RBFOX1: variants seen among roughly 807,000 people sequenced by gnomAD.
RBFOX1 encodes RNA binding protein fox-1 homolog 1.
In RBFOX1, 8 loss-of-function variants were observed where a neutral mutation model predicts 57.7. The observed-to-expected ratio is 0.14, with a 90% CI of 0.08 to 0.25. RBFOX1 has a LOEUF of 0.25. Ranked by LOEUF, RBFOX1 falls within the 10% of genes least tolerant of loss-of-function variation. The probability of loss-of-function intolerance (pLI) is 1.00; values close to 1 mark genes in which losing one functional copy is unlikely to be tolerated. For missense variants in RBFOX1, 611 were observed against 548.5 expected (o/e 1.11, Z -1.14); for synonymous variants, 326 against 222.4 (o/e 1.47, Z -4.15).
At chr16:6,736,083 T>G (rs75325650) in intron 3 of RBFOX1, among the ~76,000 whole-genome samples, 1 of 152,080 alleles carries the variant, frequency 6.6e-6, no homozygotes, top group Non-Finnish European at 1.5e-5. Context: ...TACACAATTT[T>G]TGTTCAAATT....
chr16:6,798,705 C>G (rs1039037071), intron 3 of RBFOX1, among the ~76,000 whole-genome samples: 1 of 152,072 alleles, frequency 6.6e-6, no homozygotes, highest in African/African-American at 2.4e-5. Context: ...TTTATATGAA[C>G]TAAAATATTT....
At chr16:7,376,114 A>C (rs1189089941) in intron 4 of RBFOX1, among the ~76,000 whole-genome samples, 4 of 152,222 alleles carry the variant, frequency 2.6e-5, no homozygotes, top group Non-Finnish European at 4.4e-5. Context: ...TTCTAAAACA[A>C]CAAGAAATAA....
chr16:6,787,334 A>G (rs896804085), intron 3 of RBFOX1, among the ~76,000 whole-genome samples: 1 of 152,234 alleles, frequency 6.6e-6, no homozygotes, highest in Non-Finnish European at 1.5e-5. Context: ...CATCAATAAC[A>G]GCACATAAAG....
chr16:5,566,111 G>T (rs568212927), intron 2 of RBFOX1, among the ~76,000 whole-genome samples: 44 of 152,036 alleles, frequency 2.9e-4, no homozygotes, highest in Non-Finnish European at 5.6e-4. Flanking sequence ...TGTGGAACTG[G>T]GAGTCCATTA....
chr16:5,565,280 CGTGCGTGCGTGTGTTCAT>C (rs2046024843), intron 2 of RBFOX1, among the ~76,000 whole-genome samples: 1 of 152,046 alleles, frequency 6.6e-6, no homozygotes, highest in Non-Finnish European at 1.5e-5. Context: ...CGTGTGTGCA[CGTGCGTGCGTGTGTTCAT>C]GTGCATGCAT....
At chr16:7,124,556 TCCC>T (rs1433893804) in intron 4 of RBFOX1, among the ~76,000 whole-genome samples, 1 of 47,056 alleles carries the variant, frequency 2.1e-5, no homozygotes, top group East Asian at 7.6e-4. Context: ...CCTCCCTCCC[TCCC>T]TCCCTTCCTT....
At chr16:7,108,401 C>G (rs553628515) in intron 4 of RBFOX1, among the ~76,000 whole-genome samples, 2 of 152,142 alleles carry the variant, frequency 1.3e-5, no homozygotes, top group Non-Finnish European at 2.9e-5. Context: ...AAGTGTAATG[C>G]AATATAAGAC....
At chr16:5,651,970 TAAAG>T (rs943201770) in intron 3 of RBFOX1, among the ~76,000 whole-genome samples, 9 of 152,140 alleles carry the variant, frequency 5.9e-5, no homozygotes, top group Admixed American at 2.6e-4. Flanking sequence ...CCATTTCTAC[TAAAG>T]AAAGAAAAAA....
At chr16:6,249,440 C>T (rs1232335677) in intron 1 of RBFOX1, among the ~76,000 whole-genome samples, 1 of 152,138 alleles carries the variant, frequency 6.6e-6, no homozygotes, top group Non-Finnish European at 1.5e-5. Flanking sequence ...CAGAGAATAG[C>T]TTGAACCCGG....
At chr16:5,460,218 A>G (rs904595697) in intron 1 of RBFOX1, among the ~76,000 whole-genome samples, 2 of 152,222 alleles carry the variant, frequency 1.3e-5, no homozygotes, top group African/African-American at 4.8e-5. Context: ...CCAGAATCAG[A>G]CAGAGAAGGT....
At chr16:5,810,105 C>T (rs1166096015) in intron 3 of RBFOX1, among the ~76,000 whole-genome samples, 4 of 150,164 alleles carry the variant, frequency 2.7e-5, no homozygotes. Context: ...TATTCTCACT[C>T]ACAGGTGGGA....
At chr16:6,483,099 G>T in intron 2 of RBFOX1, 4 of 1,010,800 alleles carry the variant, frequency 4.0e-6, no homozygotes, top group Non-Finnish European at 4.7e-6. Context: ...GTAGGGGCGG[G>T]ACCCACGCAG....
chr16:5,325,603 C>T (rs1245546284), intron 1 of RBFOX1, among the ~76,000 whole-genome samples: 2 of 152,282 alleles, frequency 1.3e-5, no homozygotes, highest in East Asian at 3.9e-4. Context: ...TCATATCCTG[C>T]CCCACTGATG....
intron 1 of RBFOX1, among the ~76,000 whole-genome samples, chr16:6,272,981 C>G (rs1166162092): frequency 2.6e-5 from 4 of 151,948 alleles, no homozygotes; most frequent in African/African-American, 9.7e-5. Flanking sequence ...AAAAAGAGGC[C>G]CGTTACATTG....
chr16:7,332,790 C>G (rs572061003), intron 4 of RBFOX1: 2 of 1,396,718 alleles, frequency 1.4e-6, no homozygotes, highest in South Asian at 1.7e-5. Context: ...GCTGCTGTGT[C>G]TCTTCGTCGT....
chr16:6,486,727 T>C (rs948356636), intron 2 of RBFOX1, among the ~76,000 whole-genome samples: 2 of 152,080 alleles, frequency 1.3e-5, no homozygotes, highest in South Asian at 2.1e-4. Context: ...TGTTAAAATA[T>C]CAAATCTTTG....
chr16:7,405,413 C>T (rs2098323996), intron 4 of RBFOX1, among the ~76,000 whole-genome samples: 1 of 152,172 alleles, frequency 6.6e-6, no homozygotes, highest in South Asian at 2.1e-4. Context: ...CAGGTGTTGC[C>T]AGAGAACATT....
intron 3 of RBFOX1, among the ~76,000 whole-genome samples, chr16:6,981,042 CAAAA>C (rs36117809): frequency 1.3e-5 from 1 of 77,472 alleles, no homozygotes. Flanking sequence ...GTCTCAGTCT[CAAAA>C]AAAAAAAAAA....
rs536933859 is a variant in RBFOX1, at chr16:5,964,189, G to A, written c.351+96854G>A. 2.3e-4 allele frequency among the ~76,000 whole-genome samples: 35 copies of A among 152,242 alleles called. No individual in the cohort carries two copies. The South Asian group carries it at 4.6e-3, about 20-fold the overall frequency. On this transcript the variant is annotated intron_variant, in intron 4 of 19. Transcript: ENST00000641259. ...GATCAGGGAGGTTAAAATCAAAACC[G>A]TAATGAGATACCACCTCATACCTAT...
Sources: allele counts gnomAD v4.1 joint callset (sites outside exome capture counted in the v4.1 genomes callset), GRCh38; gene constraint gnomAD v4.1.1; transcripts MANE v1.5; gene names NCBI Gene and HGNC (gene_info 2026-07-23, HGNC 2026-07-21).